The following C1orf21 variants were observed in gnomAD, a reference collection of about 807,000 sequenced individuals.
The protein encoded by C1orf21 is uncharacterized protein C1orf21.
C1orf21 carries 3 observed loss-of-function variants against 18.7 expected under a neutral mutation model. That is an observed-to-expected ratio of 0.16 (90% confidence interval 0.07 to 0.42). The LOEUF is 0.42. Ranked by LOEUF, C1orf21 falls within the 10% of genes least tolerant of loss-of-function variation. The pLI is 0.99. For synonymous variants in C1orf21, 41 were observed against 46.4 expected (o/e 0.88, Z 0.47); for missense variants, 104 against 143.6 (o/e 0.72, Z 1.41).
At chr1:184,392,951 C>T (rs1655996590) in intron 1 of C1orf21, among the ~76,000 whole-genome samples, 1 of 150,622 alleles carries the variant, frequency 6.6e-6, no homozygotes, top group Non-Finnish European at 1.5e-5. Flanking sequence ...ACATCAGACT[C>T]TTGAGTAGCT....
At chr1:184,616,700 ACACGTGTGTATGTGTGTTGTGTG>A (rs1339185156) in intron 5 of C1orf21, among the ~76,000 whole-genome samples, 1 of 139,262 alleles carries the variant, frequency 7.2e-6, no homozygotes, top group African/African-American at 2.6e-5. Flanking sequence ...TTGTGTGTGC[ACACGTGTGTATGTGTGTTGTGTG>A]CACGTGTGTG....
At chr1:184,602,626 T>C (rs2102004266) in intron 5 of C1orf21, among the ~76,000 whole-genome samples, 1 of 152,210 alleles carries the variant, frequency 6.6e-6, no homozygotes, top group East Asian at 1.9e-4. Context: ...ATTTTTTCAC[T>C]GTACCTAGAG....
intron 1 of C1orf21, among the ~76,000 whole-genome samples, chr1:184,463,671 T>C (rs1360974063): frequency 1.3e-5 from 2 of 152,210 alleles, no homozygotes; most frequent in Non-Finnish European, 1.5e-5. Flanking sequence ...AAGTTAACAA[T>C]ATAGAACAAC....
At chr1:184,550,957 A>AT (rs991747130) in intron 3 of C1orf21, among the ~76,000 whole-genome samples, 12 of 152,250 alleles carry the variant, frequency 7.9e-5, no homozygotes, top group African/African-American at 2.9e-4. Flanking sequence ...TGATAACAAA[A>AT]TGGTTTTAGA....
chr1:184,512,899 C>G (rs1286934085), intron 3 of C1orf21, among the ~76,000 whole-genome samples: 1 of 152,204 alleles, frequency 6.6e-6, no homozygotes, highest in East Asian at 1.9e-4. Context: ...GTATTTGCAT[C>G]TGCTCCTCAT....
chr1:184,585,485 C>T (rs1380042042), intron 3 of C1orf21, among the ~76,000 whole-genome samples: 2 of 152,016 alleles, frequency 1.3e-5, no homozygotes, highest in Non-Finnish European at 1.5e-5. Flanking sequence ...CTTTTATTTT[C>T]AGGTCAGGGG....
intron 5 of C1orf21, among the ~76,000 whole-genome samples, chr1:184,614,540 G>T (rs1245341972): frequency 8.6e-6 from 1 of 116,464 alleles, no homozygotes; most frequent in Non-Finnish European, 1.7e-5. Flanking sequence ...CCAGGGACTG[G>T]TTTTGTGGAA....
chr1:184,581,436 A>AG (rs1324981608), intron 3 of C1orf21, among the ~76,000 whole-genome samples: 2 of 151,942 alleles, frequency 1.3e-5, no homozygotes, highest in African/African-American at 4.8e-5. Context: ...TCTCAAAAAA[A>AG]AAAAAAAATT....
At chr1:184,432,542 T>C (rs973222537) in intron 1 of C1orf21, among the ~76,000 whole-genome samples, 1 of 151,882 alleles carries the variant, frequency 6.6e-6, no homozygotes, top group Non-Finnish European at 1.5e-5. Context: ...AGGGGAGGGA[T>C]AGCATTAGGA....
At chr1:184,527,147 T>G (rs758164295) in intron 3 of C1orf21, among the ~76,000 whole-genome samples, 33 of 152,338 alleles carry the variant, frequency 2.2e-4, no homozygotes, top group Non-Finnish European at 4.4e-4. Flanking sequence ...GTCCTGATGC[T>G]TAATCCTTTG....
intron 5 of C1orf21, 58 bp from the exon 6 acceptor site, chr1:184,619,460 T>C (rs968959176): frequency 2.4e-5 from 37 of 1,565,750 alleles, no homozygotes; most frequent in Non-Finnish European, 3.2e-5. Context: ...CAAGTAACTA[T>C]TTCAGGCTCT....
Position 184,477,447 on chromosome 1 carries a change from A to AT in C1orf21, c.-62dup, listed in dbSNP as rs1027639816. 1.4e-6 allele frequency: 2 copies of AT among 1,383,394 alleles called. No individual in the cohort carries two copies. Among genetic ancestry groups the AT allele is most frequent in the Non-Finnish European group, 2.0e-6 (2 of 994,896 alleles). The allele number at this position is 1,383,394 out of a possible 1,614,324, so 85.7% of individuals were successfully genotyped here. ...TTTTCTTTGTGTTTAAAGAAAAAAAATGTCCCTGTGTCTGTAGAGATGATT... is the reference window on the plus strand; with the variant it reads ...TTTTCTTTGTGTTTAAAGAAAAAAAATTGTCCCTGTGTCTGTAGAGATGATT... On this transcript the variant is annotated 5_prime_UTR_variant, in exon 2 of 6. An upstream start codon of the reference 5' UTR is lost. Coordinates refer to ENST00000235307, the MANE Select transcript of C1orf21 (RefSeq NM_030806.4).
intron 3 of C1orf21, among the ~76,000 whole-genome samples, chr1:184,562,624 A>G (rs1372508672): frequency 6.6e-6 from 1 of 152,196 alleles, no homozygotes; most frequent in Non-Finnish European, 1.5e-5. Context: ...GTAAATTGTC[A>G]TTTGTCTACA....
At chr1:184,411,050 C>G (rs1011263016) in intron 1 of C1orf21, among the ~76,000 whole-genome samples, 1 of 152,034 alleles carries the variant, frequency 6.6e-6, no homozygotes, top group Non-Finnish European at 1.5e-5. Context: ...GAAATAGTTC[C>G]GATTTGGAGA....
At chr1:184,587,198 A>C (rs1050653854) in intron 3 of C1orf21, among the ~76,000 whole-genome samples, 1 of 149,498 alleles carries the variant, frequency 6.7e-6, no homozygotes, top group Non-Finnish European at 1.5e-5. Context: ...CTGTAGCATA[A>C]AGTCAGGTAG....
At chr1:184,457,172 ACTTAATT>A (rs917723999) in intron 1 of C1orf21, among the ~76,000 whole-genome samples, 71 of 152,330 alleles carry the variant, frequency 4.7e-4, no homozygotes, top group African/African-American at 1.6e-3. Flanking sequence ...GAATATTATA[ACTTAATT>A]CTTAAAGGAA....
At chr1:184,479,613 C>CTTTTTTT (rs55840285) in intron 2 of C1orf21, among the ~76,000 whole-genome samples, 3 of 62,214 alleles carry the variant, frequency 4.8e-5, no homozygotes, top group African/African-American at 6.7e-5. Flanking sequence ...TCCCATAGGT[C>CTTTTTTT]TTTTTTTTTT....
At chr1:184,400,602 G>A (rs972543980) in intron 1 of C1orf21, among the ~76,000 whole-genome samples, 8 of 152,104 alleles carry the variant, frequency 5.3e-5, no homozygotes, top group African/African-American at 1.2e-4. Context: ...AAATTCTACC[G>A]TACAGATATA....
intron 1 of C1orf21, among the ~76,000 whole-genome samples, chr1:184,461,805 G>A (rs1657310998): frequency 6.6e-6 from 1 of 151,886 alleles, no homozygotes; most frequent in South Asian, 2.1e-4. Context: ...AGCCTCGCAC[G>A]TTTCATTTAT....
Sources: allele counts gnomAD v4.1 joint callset (sites outside exome capture counted in the v4.1 genomes callset), GRCh38; gene constraint gnomAD v4.1.1; transcripts MANE v1.5; gene names NCBI Gene and HGNC (gene_info 2026-07-23, HGNC 2026-07-21).